Variants in CNTNAP3B observed in about 807,000 individuals in gnomAD.
The protein encoded by CNTNAP3B is contactin associated protein family member 3B, also known as contactin-associated protein-like 3B.
In CNTNAP3B, 25 loss-of-function variants were observed where a neutral mutation model predicts 108.9. That is an observed-to-expected ratio of 0.23 (90% CI 0.17 to 0.32). The LOEUF (loss-of-function observed/expected upper bound fraction) is 0.32, where lower values mean the gene tolerates loss of function less well. Ranked by LOEUF, CNTNAP3B falls within the 10% of genes least tolerant of loss-of-function variation. The pLI is 1.00. For synonymous variants in CNTNAP3B, 103 were observed against 473.4 expected (o/e 0.22, Z 10.16); for missense variants, 252 against 1,210.4 (o/e 0.21, Z 11.75).
intron 13 of CNTNAP3B, among the ~76,000 whole-genome samples, chr9:41,950,453 T>C (rs1824641151): frequency 7.7e-6 from 1 of 130,712 alleles, no homozygotes; most frequent in Admixed American, 8.0e-5. Flanking sequence ...AAAAGCTTTA[T>C]TCATAATTGC....
At chr9:41,924,645 GCACACACACACACACACACA>G (rs200851620) in intron 15 of CNTNAP3B, among the ~76,000 whole-genome samples, 4 of 135,158 alleles carry the variant, frequency 3.0e-5, no homozygotes, top group African/African-American at 8.9e-5. Context: ...TTTCCTTCCT[GCACACACACACACACACACA>G]CACACACACA....
intron 14 of CNTNAP3B, among the ~76,000 whole-genome samples, chr9:41,937,074 A>AC (rs1824179677): frequency 7.0e-6 from 1 of 142,998 alleles, no homozygotes; most frequent in African/African-American, 2.7e-5. Flanking sequence ...AATCAATTAT[A>AC]CTGACACCTG....
chr9:41,931,834 TTTAA>T (rs1292060958), intron 14 of CNTNAP3B, among the ~76,000 whole-genome samples: 4 of 144,042 alleles, frequency 2.8e-5, no homozygotes, highest in Admixed American at 1.4e-4. Flanking sequence ...GAAAATGCAA[TTTAA>T]TTATTTATGG....
At chr9:42,034,182 A>ATATATATCTATCTATCTATC (rs1217089190) in intron 3 of CNTNAP3B, among the ~76,000 whole-genome samples, 1 of 61,862 alleles carries the variant, frequency 1.6e-5, no homozygotes, top group Admixed American at 1.6e-4. Context: ...ATGTATGTAT[A>ATATATATCTATCTATCTATC]TATGTATCTA....
chr9:41,950,822 G>T (rs1239162333), intron 13 of CNTNAP3B, among the ~76,000 whole-genome samples: 1 of 135,102 alleles, frequency 7.4e-6, no homozygotes, highest in Non-Finnish European at 1.5e-5. Flanking sequence ...GTGCAGTGGC[G>T]CCATCTCGGC....
chr9:41,958,427 C>T (rs1435937011), intron 12 of CNTNAP3B, among the ~76,000 whole-genome samples: 1 of 152,008 alleles, frequency 6.6e-6, no homozygotes, highest in Non-Finnish European at 1.5e-5. Flanking sequence ...ATTATAGGTC[C>T]AGCTGAAATT....
intron 3 of CNTNAP3B, among the ~76,000 whole-genome samples, chr9:42,030,820 GA>G (rs1826511226): frequency 1.6e-5 from 2 of 121,398 alleles, no homozygotes; most frequent in African/African-American, 7.0e-5. Flanking sequence ...AGAGGAGAGA[GA>G]GAGAGAGAGA....
At chr9:42,127,519 AT>A (rs2118764005) in intron 1 of CNTNAP3B, among the ~76,000 whole-genome samples, 1 of 139,612 alleles carries the variant, frequency 7.2e-6, no homozygotes, top group African/African-American at 2.8e-5. Flanking sequence ...ATTTTGTTGT[AT>A]TTTGCCAGTT....
intron 3 of CNTNAP3B, among the ~76,000 whole-genome samples, chr9:42,034,142 T>A (rs1826577004): frequency 8.9e-6 from 1 of 112,238 alleles, no homozygotes; most frequent in South Asian, 2.8e-4. Flanking sequence ...TCTTTCTATG[T>A]GTACATAATC....
At chr9:42,077,602 T>A (rs1290617446) in intron 2 of CNTNAP3B, among the ~76,000 whole-genome samples, 3 of 132,060 alleles carry the variant, frequency 2.3e-5, no homozygotes, top group Non-Finnish European at 3.2e-5. Context: ...AGGAGAGTGA[T>A]GGTTACGAGG....
intron 2 of CNTNAP3B, among the ~76,000 whole-genome samples, chr9:42,103,589 G>T (rs567567318): frequency 1.8e-5 from 2 of 113,834 alleles, no homozygotes; most frequent in South Asian, 5.7e-4. Flanking sequence ...CAAAAAATTA[G>T]TCAGGCCTGG....
At chr9:41,968,878 G>A (rs1423778638) in intron 10 of CNTNAP3B, among the ~76,000 whole-genome samples, 2 of 151,270 alleles carry the variant, frequency 1.3e-5, no homozygotes, top group East Asian at 1.9e-4. Context: ...TTCACTGCAA[G>A]CTCCGCCTCC....
chr9:42,063,656 CCTTCCTGT>C (rs1827213140), intron 3 of CNTNAP3B, among the ~76,000 whole-genome samples: 1 of 136,342 alleles, frequency 7.3e-6, no homozygotes, highest in Non-Finnish European at 1.6e-5. Flanking sequence ...TTTTTTCCTT[CCTTCCTGT>C]CTTCCTTTCT....
rs531112058 is a variant in CNTNAP3B, at chr9:41,953,244, C to G, written c.2019G>C (p.Ala673=). 16 of 1,527,320 alleles carry G rather than the reference C, an allele frequency of 1.0e-5. No individual in the cohort carries two copies. The highest frequency in any genetic ancestry group is 1.4e-5 in the African/African-American group (1 of 71,596). The allele number at this position is 1,527,320 out of a possible 1,614,324, so 94.6% of individuals were successfully genotyped here. The change falls in exon 13 of 24, where the codon GCG becomes GCC. Residue 673 remains alanine, a synonymous_variant. Transcript: ENST00000377561. The stretch of plus-strand genomic sequence containing the variant: ...GAGCCAGCCGCTGCTCGCAGCGCTC[C>G]GCCAGGTTCACCGCGGCCCGCAGCT... ...AGQLRAAVNL[A]ERCEQRLALR...
intron 2 of CNTNAP3B, among the ~76,000 whole-genome samples, chr9:42,099,823 G>A (rs1587272119): frequency 1.2e-5 from 1 of 80,240 alleles, no homozygotes; most frequent in African/African-American, 4.6e-5. Flanking sequence ...TTGCAAAAAA[G>A]CATATATATT....
At chr9:42,103,188 C>T (rs1384770871) in intron 2 of CNTNAP3B, among the ~76,000 whole-genome samples, 5 of 137,994 alleles carry the variant, frequency 3.6e-5, no homozygotes, top group South Asian at 2.2e-4. Context: ...AATGACCATC[C>T]ACTGAGGCTC....
intron 14 of CNTNAP3B, among the ~76,000 whole-genome samples, chr9:41,935,734 A>G (rs1327953830): frequency 4.6e-5 from 7 of 152,268 alleles, no homozygotes; most frequent in African/African-American, 1.7e-4. Flanking sequence ...TAAATAAAAT[A>G]AGGTTAAAAA....
intron 18 of CNTNAP3B, among the ~76,000 whole-genome samples, chr9:41,919,614 C>T (rs1353251234): frequency 6.6e-6 from 1 of 152,308 alleles, no homozygotes; most frequent in Non-Finnish European, 1.5e-5. Flanking sequence ...CCTTTTGAAT[C>T]ACTTAAAGTC....
Position 42,125,651 on chromosome 9 carries a change from G to A in CNTNAP3B, c.85+3359C>T, listed in dbSNP as rs1356450731. Among the ~76,000 whole-genome samples the A allele has an allele frequency of 3.8e-5, 5 of 132,006 alleles. 1 individual carries two copies. Among genetic ancestry groups the A allele is most frequent in the Non-Finnish European group, 7.9e-5 (5 of 63,018 alleles). 86.6% of individuals were successfully genotyped at this position (132,006 alleles called of 152,430 possible). ...TTGGTGAAAATGAATAAAGGCATGT[G>A]AACTACATTTTTTGTTTTTTTTTTT... is the stretch of plus-strand genomic sequence containing the variant. On this transcript the variant is annotated intron_variant, in intron 1 of 23. Coordinates refer to ENST00000377561, the MANE Select transcript of CNTNAP3B (RefSeq NM_001201380.3).
Sources: allele counts gnomAD v4.1 joint callset (sites outside exome capture counted in the v4.1 genomes callset), GRCh38; gene constraint gnomAD v4.1.1; transcripts MANE v1.5; gene names NCBI Gene and HGNC (gene_info 2026-07-23, HGNC 2026-07-21).